The following FHIT variants were observed in gnomAD, a reference collection of about 807,000 sequenced individuals.
FHIT encodes the protein bis(5'-adenosyl)-triphosphatase.
A neutral mutation model predicts 17.9 loss-of-function variants in FHIT; 19 were observed. The observed-to-expected ratio is 1.06, with a 90% CI of 0.74 to 1.56. The LOEUF is 1.56. Among genes scored for constraint, FHIT ranks in the 40% most tolerant of loss-of-function variants. The pLI is 0.00. For synonymous variants in FHIT, 81 were observed against 69.7 expected (o/e 1.16, Z -0.81); for missense variants, 248 against 189.2 (o/e 1.31, Z -1.82).
chr3:60,528,074 A>G (rs753670211), intron 5 of FHIT, among the ~76,000 whole-genome samples: 1 of 152,192 alleles, frequency 6.6e-6, no homozygotes, highest in Non-Finnish European at 1.5e-5. Context: ...CCTGGGCTAA[A>G]GCAATCCTCC....
At chr3:59,829,521 T>C (rs1701092311) in intron 8 of FHIT, among the ~76,000 whole-genome samples, 1 of 152,222 alleles carries the variant, frequency 6.6e-6, no homozygotes, top group Non-Finnish European at 1.5e-5. Context: ...CTCATAGCAC[T>C]GATAGCATGC....
intron 3 of FHIT, among the ~76,000 whole-genome samples, chr3:60,828,173 T>G (rs1347911251): frequency 2.0e-5 from 3 of 152,222 alleles, no homozygotes; most frequent in African/African-American, 4.8e-5. Flanking sequence ...AGATAATTTA[T>G]GTAAAGAACC....
intron 4 of FHIT, among the ~76,000 whole-genome samples, chr3:60,714,302 C>T (rs1553706044): frequency 2.6e-5 from 4 of 151,970 alleles, no homozygotes. Flanking sequence ...TAAGAGCTAT[C>T]TATGACAAAC....
intron 7 of FHIT, among the ~76,000 whole-genome samples, chr3:59,937,713 G>A (rs1167792716): frequency 6.6e-6 from 1 of 152,018 alleles, no homozygotes; most frequent in Admixed American, 6.6e-5. Flanking sequence ...CCTTAACAGG[G>A]GCTAAATTTA....
At chr3:60,225,706 A>C (rs1704166326) in intron 5 of FHIT, among the ~76,000 whole-genome samples, 1 of 152,206 alleles carries the variant, frequency 6.6e-6, no homozygotes, top group Non-Finnish European at 1.5e-5. Flanking sequence ...ATTTAATGCA[A>C]AACTTGCCCT....
chr3:60,415,134 T>C (rs375162556), intron 5 of FHIT, among the ~76,000 whole-genome samples: 2 of 152,186 alleles, frequency 1.3e-5, no homozygotes, highest in Admixed American at 1.3e-4. Context: ...AGTTAAGGCA[T>C]GGTACCCTGT....
intron 3 of FHIT, among the ~76,000 whole-genome samples, chr3:60,829,355 G>GTTACAT (rs1287575166): frequency 6.6e-6 from 1 of 152,170 alleles, no homozygotes; most frequent in Non-Finnish European, 1.5e-5. Context: ...GACAAGGAAT[G>GTTACAT]TTACATATGC....
At chr3:60,325,868 AT>A (rs1157962567) in intron 5 of FHIT, among the ~76,000 whole-genome samples, 2 of 152,234 alleles carry the variant, frequency 1.3e-5, no homozygotes, top group African/African-American at 4.8e-5. Context: ...ATGCACTTAC[AT>A]TTTGGACTAC....
chr3:60,696,757 TA>T (rs2041121641), intron 4 of FHIT, among the ~76,000 whole-genome samples: 1 of 152,112 alleles, frequency 6.6e-6, no homozygotes, highest in Non-Finnish European at 1.5e-5. Context: ...ACATGAATAA[TA>T]AATCAAAAGG....
chr3:61,166,401 A>G (rs2037839752), intron 2 of FHIT, among the ~76,000 whole-genome samples: 1 of 152,170 alleles, frequency 6.6e-6, no homozygotes, highest in Admixed American at 6.5e-5. Flanking sequence ...CCACCTTGCC[A>G]AGGAAACAAA....
chr3:60,645,625 A>T (rs1329025034), intron 4 of FHIT, among the ~76,000 whole-genome samples: 1 of 152,134 alleles, frequency 6.6e-6, no homozygotes, highest in African/African-American at 2.4e-5. Flanking sequence ...ATGACTTTCT[A>T]TATGAGGCAG....
chr3:60,076,973 G>A (rs549143363), intron 5 of FHIT, among the ~76,000 whole-genome samples: 2 of 152,130 alleles, frequency 1.3e-5, no homozygotes, highest in South Asian at 4.1e-4. Context: ...TCTATTCTGA[G>A]CAAAGGAGAG....
chr3:60,854,555 A>ATT (rs35428632), intron 3 of FHIT, among the ~76,000 whole-genome samples: 87,796 of 138,494 alleles, frequency 0.63, 31,781 homozygotes, highest in East Asian at 0.98. Flanking sequence ...GCCTACTTCT[A>ATT]TTTTTTTTTT....
chr3:60,001,606 G>A (rs894477713), intron 7 of FHIT, among the ~76,000 whole-genome samples: 2 of 152,140 alleles, frequency 1.3e-5, no homozygotes, highest in African/African-American at 4.8e-5. Flanking sequence ...AGGTATAGAG[G>A]AAGATGAAAG....
chr3:60,864,919 T>G (rs1455910036), intron 3 of FHIT, among the ~76,000 whole-genome samples: 1 of 152,138 alleles, frequency 6.6e-6, no homozygotes, highest in Non-Finnish European at 1.5e-5. Flanking sequence ...GGTAGATGCA[T>G]GTAAGAATCC....
intron 2 of FHIT, among the ~76,000 whole-genome samples, chr3:61,088,819 T>G (rs1220619508): frequency 6.6e-6 from 1 of 151,978 alleles, no homozygotes; most frequent in Non-Finnish European, 1.5e-5. Flanking sequence ...CATTATCTTA[T>G]GCTGTTGTAC....
intron 2 of FHIT, among the ~76,000 whole-genome samples, chr3:61,152,587 T>C (rs1367092552): frequency 6.6e-6 from 1 of 152,060 alleles, no homozygotes; most frequent in Non-Finnish European, 1.5e-5. Flanking sequence ...CCTATTAGCA[T>C]GGAGGTTGGA....
At chr3:59,875,191 T>C (rs1337774117) in intron 8 of FHIT, among the ~76,000 whole-genome samples, 1 of 152,180 alleles carries the variant, frequency 6.6e-6, no homozygotes, top group Non-Finnish European at 1.5e-5. Context: ...CAGGGAACAA[T>C]CACTCAGCCT....
chr3:60,016,615 C>G (rs1405986070), intron 5 of FHIT, among the ~76,000 whole-genome samples: 1 of 152,188 alleles, frequency 6.6e-6, no homozygotes, highest in Non-Finnish European at 1.5e-5. Flanking sequence ...GTAAACAGAT[C>G]ATTACAACAC....
Sources: allele counts gnomAD v4.1 joint callset (sites outside exome capture counted in the v4.1 genomes callset), GRCh38; gene constraint gnomAD v4.1.1; transcripts MANE v1.5; gene names NCBI Gene and HGNC (gene_info 2026-07-23, HGNC 2026-07-21).